The following CNST variants were observed in gnomAD, a reference collection of about 807,000 sequenced individuals.
CNST encodes the protein consortin.
In CNST, 39 loss-of-function variants were observed where a neutral mutation model predicts 72.4. The ratio of observed to expected loss-of-function variants is 0.54; its 90% CI spans 0.42 to 0.70. CNST has a LOEUF of 0.70. Among genes scored for constraint, CNST ranks in the 30% least tolerant of loss-of-function variants. The pLI, the probability that CNST is intolerant of heterozygous loss-of-function variation, is 0.00. For missense variants in CNST, 871 were observed against 868.5 expected (o/e 1.00, Z -0.04); for synonymous variants, 332 against 320.1 (o/e 1.04, Z -0.40).
At chr1:246,649,927 G>C (rs1320391485) in intron 9 of CNST, among the ~76,000 whole-genome samples, 1 of 150,842 alleles carries the variant, frequency 6.6e-6, no homozygotes, top group African/African-American at 2.4e-5. Context: ...GATGCACAAG[G>C]GTCTTGTCGT....
chr1:246,645,424 CTTT>C (rs1553384186), intron 8 of CNST, among the ~76,000 whole-genome samples: 1 of 106,102 alleles, frequency 9.4e-6, no homozygotes, highest in African/African-American at 3.3e-5. Flanking sequence ...AAGGTTAAAA[CTTT>C]TTTTTTTTTT....
chr1:246,626,953 T>C (rs1404598446), intron 3 of CNST, among the ~76,000 whole-genome samples: 1 of 152,212 alleles, frequency 6.6e-6, no homozygotes, highest in Non-Finnish European at 1.5e-5. Flanking sequence ...AGTGATACTT[T>C]ATTTACTTTT....
At chr1:246,582,616 C>T (rs769406272) in intron 1 of CNST, among the ~76,000 whole-genome samples, 1 of 152,162 alleles carries the variant, frequency 6.6e-6, no homozygotes, top group Admixed American at 6.5e-5. Flanking sequence ...GTCTGAAAAG[C>T]GCTGGTCTCA....
At chr1:246,594,982 T>C (rs529855653) in intron 2 of CNST, among the ~76,000 whole-genome samples, 2 of 152,330 alleles carry the variant, frequency 1.3e-5, no homozygotes, top group East Asian at 3.9e-4. Context: ...GAATAAAATG[T>C]GGTGATTCAC....
chr1:246,602,195 TAAA>T (rs1662330230), intron 2 of CNST, among the ~76,000 whole-genome samples: 1 of 152,130 alleles, frequency 6.6e-6, no homozygotes, highest in Non-Finnish European at 1.5e-5. Context: ...CAAAATATAA[TAAA>T]AAAGCAGAAA....
At chr1:246,641,792 A>C in intron 7 of CNST, 22 bp downstream of exon 7, 1 of 1,316,422 alleles carries the variant, frequency 7.6e-7, no homozygotes, top group Non-Finnish European at 1.1e-6. Context: ...TTTCTTTTGA[A>C]TATATTTCTA....
intron 3 of CNST, among the ~76,000 whole-genome samples, chr1:246,631,378 G>C (rs1338094873): frequency 6.6e-6 from 1 of 152,212 alleles, no homozygotes; most frequent in African/African-American, 2.4e-5. Flanking sequence ...TCAGTGTCCT[G>C]TGAGGTCCTC....
chr1:246,605,480 C>T (rs890273105), intron 2 of CNST, among the ~76,000 whole-genome samples: 1 of 152,214 alleles, frequency 6.6e-6, no homozygotes, highest in African/African-American at 2.4e-5. Flanking sequence ...TGGAGCATCA[C>T]GCTGTTTTAA....
chr1:246,647,616 C>G lies in CNST; in HGVS notation c.1415C>G (p.Pro472Arg). The G allele has an allele frequency of 6.2e-7, 1 of 1,614,150 alleles. No homozygotes were observed. The highest frequency in any genetic ancestry group is 8.5e-7 in the Non-Finnish European group (1 of 1,180,036). ...LPLRDASEALPTDQLENNELN... is the reference protein window; with the variant it reads ...LPLRDASEALRTDQLENNELN... ...CTTCGGGATGCTTCTGAGGCGTTGC[C>G]CACAGACCAACTTGAGAACAATGAA... The change falls in exon 9 of 11, where the codon CCC becomes CGC. Residue 472 changes from proline to arginine, a missense_variant. Pro to Arg is a moderately radical substitution (Grantham distance 103). Coordinates refer to ENST00000366513, the MANE Select transcript of CNST (RefSeq NM_152609.3).
At chr1:246,568,803 A>G (rs573216375) in intron 1 of CNST, among the ~76,000 whole-genome samples, 1 of 152,212 alleles carries the variant, frequency 6.6e-6, no homozygotes, top group Non-Finnish European at 1.5e-5. Context: ...TCTTGACCTC[A>G]GGTGATCCTC....
At chr1:246,581,907 A>G (rs1453208789) in intron 1 of CNST, among the ~76,000 whole-genome samples, 2 of 152,194 alleles carry the variant, frequency 1.3e-5, no homozygotes, top group Non-Finnish European at 2.9e-5. Context: ...TATCATAGGC[A>G]AAAGTATTTT....
intron 2 of CNST, among the ~76,000 whole-genome samples, chr1:246,617,787 CA>C (rs1663801504): frequency 6.6e-6 from 1 of 152,150 alleles, no homozygotes; most frequent in Non-Finnish European, 1.5e-5. Context: ...AAATTCCAAG[CA>C]ACCAGAATAT....
chr1:246,662,179 T>C (rs1246977984), intron 10 of CNST, among the ~76,000 whole-genome samples: 1 of 152,218 alleles, frequency 6.6e-6, no homozygotes, highest in Non-Finnish European at 1.5e-5. Context: ...ATGTAAATGT[T>C]GATTGTGTTG....
At chr1:246,572,692 T>G (rs976560842) in intron 1 of CNST, among the ~76,000 whole-genome samples, 7 of 152,104 alleles carry the variant, frequency 4.6e-5, no homozygotes, top group Admixed American at 3.9e-4. Context: ...AGTGGAGTTA[T>G]TTATTTATGT....
chr1:246,568,197 C>G (rs966867117), intron 1 of CNST, among the ~76,000 whole-genome samples: 1 of 152,080 alleles, frequency 6.6e-6, no homozygotes, highest in Non-Finnish European at 1.5e-5. Context: ...AAAAACAAAA[C>G]AGTTATTTTA....
At chr1:246,622,690 G>C (rs1664169708) in intron 3 of CNST, among the ~76,000 whole-genome samples, 1 of 151,374 alleles carries the variant, frequency 6.6e-6, no homozygotes, top group African/African-American at 2.4e-5. Flanking sequence ...GGGTGTAGAT[G>C]TTAGAGGATG....
At chr1:246,571,747 T>A (rs1306870228) in intron 1 of CNST, among the ~76,000 whole-genome samples, 1 of 152,206 alleles carries the variant, frequency 6.6e-6, no homozygotes, top group African/African-American at 2.4e-5. Context: ...ACTCCTGGGC[T>A]CAAGTGATCC....
intron 9 of CNST, among the ~76,000 whole-genome samples, chr1:246,659,162 T>C (rs1666927731): frequency 6.6e-6 from 1 of 152,202 alleles, no homozygotes; most frequent in Non-Finnish European, 1.5e-5. Context: ...CACAGTGCCA[T>C]TGTAGCCCAG....
chr1:246,568,198 A>G (rs1213738714), intron 1 of CNST, among the ~76,000 whole-genome samples: 1 of 152,200 alleles, frequency 6.6e-6, no homozygotes. Flanking sequence ...AAAACAAAAC[A>G]GTTATTTTAA....
Sources: allele counts gnomAD v4.1 joint callset (sites outside exome capture counted in the v4.1 genomes callset), GRCh38; gene constraint gnomAD v4.1.1; transcripts MANE v1.5; gene names NCBI Gene and HGNC (gene_info 2026-07-23, HGNC 2026-07-21).